The following RNF150 variants were observed in gnomAD, a reference collection of about 807,000 sequenced individuals.
RNF150 encodes the protein ring finger protein 150.
In RNF150, 24 loss-of-function variants were observed where a neutral mutation model predicts 39.3. That is an observed-to-expected ratio of 0.61 (90% CI 0.44 to 0.86). The LOEUF is 0.86. Among genes scored for constraint, RNF150 ranks in the 40% least tolerant of loss-of-function variants. RNF150 has a pLI of 0.00. For missense variants in RNF150, 502 were observed against 587.8 expected (o/e 0.85, Z 1.51); for synonymous variants, 255 against 227.3 (o/e 1.12, Z -1.10).
At chr4:141,015,158 A>G (rs1378485836) in intron 1 of RNF150, among the ~76,000 whole-genome samples, 1 of 152,056 alleles carries the variant, frequency 6.6e-6, no homozygotes, top group African/African-American at 2.4e-5. Flanking sequence ...TTCGTTTTCT[A>G]TCCTCTCCTA....
chr4:141,190,779 G>A (rs1464295251), intron 1 of RNF150, among the ~76,000 whole-genome samples: 1 of 152,182 alleles, frequency 6.6e-6, no homozygotes, highest in Non-Finnish European at 1.5e-5. Flanking sequence ...CTTCTGTCCT[G>A]TTAATCCAAT....
At chr4:140,899,842 TG>T (rs1415063234) in intron 6 of RNF150, among the ~76,000 whole-genome samples, 1 of 151,486 alleles carries the variant, frequency 6.6e-6, no homozygotes, top group Non-Finnish European at 1.5e-5. Flanking sequence ...TTCCCCAAAG[TG>T]GGGGAAAAAC....
At chr4:140,884,808 TACAATCA>T (rs1729502901) in intron 6 of RNF150, among the ~76,000 whole-genome samples, 1 of 152,142 alleles carries the variant, frequency 6.6e-6, no homozygotes, top group Non-Finnish European at 1.5e-5. Context: ...CATCCCACTT[TACAATCA>T]TTTTTCTCTT....
intron 1 of RNF150, among the ~76,000 whole-genome samples, chr4:141,060,936 A>G (rs1351351101): frequency 2.0e-5 from 3 of 152,158 alleles, no homozygotes; most frequent in Non-Finnish European, 4.4e-5. Flanking sequence ...GGAGTTGAAC[A>G]ACAAGAACAC....
intron 1 of RNF150, among the ~76,000 whole-genome samples, chr4:141,147,874 T>C (rs971639707): frequency 3.3e-5 from 5 of 152,168 alleles, no homozygotes; most frequent in African/African-American, 7.2e-5. Context: ...AGTGCTACTC[T>C]AGGAAAATCA....
intron 5 of RNF150, among the ~76,000 whole-genome samples, chr4:140,923,127 AAT>A: frequency 6.6e-6 from 1 of 151,796 alleles, no homozygotes; most frequent in South Asian, 2.1e-4. Context: ...AATGGGATCT[AAT>A]TAAACTAAGG....
At position 140,999,659 on chromosome 4, in the gene RNF150, G is replaced by T. The variant is rs1265295663; in HGVS notation, c.485-31786C>A. On this transcript the variant is annotated intron_variant, in intron 1 of 6. Coordinates refer to ENST00000515673, the MANE Select transcript of RNF150 (RefSeq NM_020724.2). ...TTAGAAGAACACATTTCCAGGCCACGTGCGGCGGCTCACATCTGTAATCTC... is the reference window on the plus strand; with the variant it reads ...TTAGAAGAACACATTTCCAGGCCACTTGCGGCGGCTCACATCTGTAATCTC... Among the ~76,000 whole-genome samples, 3 of 152,060 alleles carry T rather than the reference G, an allele frequency of 2.0e-5. No individual in the cohort carries two copies. In the East Asian group the frequency reaches 5.8e-4, roughly 29 times the overall value.
chr4:140,925,722 CA>C (rs1455539538), intron 5 of RNF150, among the ~76,000 whole-genome samples: 1 of 152,058 alleles, frequency 6.6e-6, no homozygotes, highest in Non-Finnish European at 1.5e-5. Context: ...GAAGAGAAGC[CA>C]ATGAGCTGCA....
At chr4:140,872,334 G>A (rs1313240130) in intron 6 of RNF150, among the ~76,000 whole-genome samples, 1 of 152,164 alleles carries the variant, frequency 6.6e-6, no homozygotes, top group Non-Finnish European at 1.5e-5. Context: ...ACCACTCTTT[G>A]ATGTAGGTAT....
At position 140,953,664 on chromosome 4, in the gene RNF150, C is replaced by A. The variant is rs1204894615; in HGVS notation, c.736-4292G>T. 4.0e-5 allele frequency among the ~76,000 whole-genome samples: 6 copies of A among 151,752 alleles called. 1 individual carries two copies. The East Asian group carries it at 7.8e-4, about 20-fold the overall frequency. On this transcript the variant is annotated intron_variant, in intron 2 of 6. Coordinates refer to ENST00000515673, the MANE Select transcript of RNF150 (RefSeq NM_020724.2). The stretch of plus-strand genomic sequence containing the variant: ...TTATTCCTAAGTGACATGAAAATTA[C>A]ACACATGCAGAGAAGACCCCATTAA...
chr4:140,912,099 G>C (rs767895353), intron 5 of RNF150, among the ~76,000 whole-genome samples: 2 of 152,120 alleles, frequency 1.3e-5, no homozygotes, highest in Non-Finnish European at 2.9e-5. Flanking sequence ...CATAGCAATG[G>C]GAGCTCTCTG....
upstream of RNF150, among the ~76,000 whole-genome samples, chr4:141,137,885 C>A (rs2111121286): frequency 6.6e-6 from 1 of 152,276 alleles, no homozygotes; most frequent in East Asian, 1.9e-4. Flanking sequence ...ACCAGCCAGG[C>A]AGCCCAGATA....
At chr4:140,942,662 T>C (rs768202620) in intron 4 of RNF150, among the ~76,000 whole-genome samples, 1 of 152,220 alleles carries the variant, frequency 6.6e-6, no homozygotes, top group South Asian at 2.1e-4. Context: ...TCTTTCAGAT[T>C]CTGCATTATC....
intron 1 of RNF150, among the ~76,000 whole-genome samples, chr4:141,042,347 C>A (rs1316441440): frequency 8.6e-5 from 13 of 152,032 alleles, no homozygotes; most frequent in Non-Finnish European, 1.5e-5. Context: ...AATCAACTTT[C>A]CAGGTCTCTT....
At chr4:140,991,660 A>C (rs1243237455) in intron 1 of RNF150, among the ~76,000 whole-genome samples, 2 of 152,216 alleles carry the variant, frequency 1.3e-5, no homozygotes, top group Non-Finnish European at 2.9e-5. Flanking sequence ...TAGGATTCTA[A>C]TTAAGGCAAA....
At chr4:140,990,664 T>A (rs1307094017) in intron 1 of RNF150, among the ~76,000 whole-genome samples, 1 of 152,228 alleles carries the variant, frequency 6.6e-6, no homozygotes, top group Non-Finnish European at 1.5e-5. Flanking sequence ...AAGAACATGA[T>A]CTCGTTCCTT....
intron 1 of RNF150, among the ~76,000 whole-genome samples, chr4:140,990,390 G>A (rs1734153321): frequency 1.3e-5 from 2 of 152,152 alleles, no homozygotes; most frequent in African/African-American, 4.8e-5. Flanking sequence ...TGCAGGACCT[G>A]CAGGTTACCT....
At chr4:141,098,730 TC>T (rs1738896246) in intron 1 of RNF150, among the ~76,000 whole-genome samples, 1 of 152,224 alleles carries the variant, frequency 6.6e-6, no homozygotes, top group South Asian at 2.1e-4. Flanking sequence ...AAGCTGCTGT[TC>T]TTAAAACATT....
At chr4:141,146,786 T>C (rs1727208117) in intron 1 of RNF150, among the ~76,000 whole-genome samples, 2 of 152,132 alleles carry the variant, frequency 1.3e-5, no homozygotes, top group Non-Finnish European at 2.9e-5. Context: ...CAAGGCAACT[T>C]TGTTATCTCC....
Sources: allele counts gnomAD v4.1 joint callset (sites outside exome capture counted in the v4.1 genomes callset), GRCh38; gene constraint gnomAD v4.1.1; transcripts MANE v1.5; gene names NCBI Gene and HGNC (gene_info 2026-07-23, HGNC 2026-07-21).